The following KHDRBS2 variants were observed in gnomAD, a reference collection of about 807,000 sequenced individuals.
KHDRBS2 encodes the protein KH RNA binding domain containing, signal transduction associated 2.
In KHDRBS2, 26 loss-of-function variants were observed where a neutral mutation model predicts 44.3. That is an observed-to-expected ratio of 0.59 (90% CI 0.43 to 0.81). KHDRBS2 has a LOEUF of 0.81. Ranked by LOEUF, KHDRBS2 falls within the 40% of genes least tolerant of loss-of-function variation. The pLI, the probability that KHDRBS2 is intolerant of heterozygous loss-of-function variation, is 0.00. For missense variants in KHDRBS2, 476 were observed against 433.1 expected, an observed-to-expected ratio of 1.10 and a Z score of -0.88; for synonymous variants, 194 against 151.1, an observed-to-expected ratio of 1.28 and a Z score of -2.08.
chr6:62,006,675 C>A (rs1407484309), intron 3 of KHDRBS2, among the ~76,000 whole-genome samples: 1 of 151,608 alleles, frequency 6.6e-6, no homozygotes, highest in East Asian at 1.9e-4. Context: ...CTATACAAGA[C>A]CATAGTAAAC....
At chr6:62,061,402 G>A (rs558959781) in intron 2 of KHDRBS2, among the ~76,000 whole-genome samples, 1 of 151,630 alleles carries the variant, frequency 6.6e-6, no homozygotes, top group African/African-American at 2.4e-5. Flanking sequence ...TTGCTTGTCT[G>A]TAAAGGATTT....
the KHDRBS2 span, among the ~76,000 whole-genome samples, chr6:61,670,969 TTC>T: frequency 6.6e-6 from 1 of 151,654 alleles, no homozygotes; most frequent in African/African-American, 2.4e-5. Context: ...TCAATTGCCT[TTC>T]TCTTTGTCTT....
intron 3 of KHDRBS2, among the ~76,000 whole-genome samples, chr6:61,990,861 C>A (rs1325132279): frequency 1.3e-5 from 2 of 152,120 alleles, no homozygotes; most frequent in Non-Finnish European, 2.9e-5. Flanking sequence ...AGGCACGCAC[C>A]ACCATGCCCA....
At chr6:62,235,443 A>G (rs1833557092) in intron 1 of KHDRBS2, among the ~76,000 whole-genome samples, 1 of 151,902 alleles carries the variant, frequency 6.6e-6, no homozygotes, top group African/African-American at 2.4e-5. Flanking sequence ...ATCTTCTCAT[A>G]CCTTCCTGAG....
chr6:61,837,928 T>C (rs1792979080), intron 6 of KHDRBS2, among the ~76,000 whole-genome samples: 1 of 152,008 alleles, frequency 6.6e-6, no homozygotes, highest in East Asian at 1.9e-4. Flanking sequence ...AAGAAAAATA[T>C]ATAACTGAGA....
chr6:61,890,555 GT>G (rs1417788008), intron 6 of KHDRBS2, among the ~76,000 whole-genome samples: 1 of 152,074 alleles, frequency 6.6e-6, no homozygotes, highest in Non-Finnish European at 1.5e-5. Flanking sequence ...TACCTGAAAA[GT>G]TTTTCTCTCT....
chr6:62,279,728 G>T (rs141747485), intron 1 of KHDRBS2, among the ~76,000 whole-genome samples: 2 of 152,342 alleles, frequency 1.3e-5, no homozygotes, highest in East Asian at 3.9e-4. Flanking sequence ...TAATCATGGA[G>T]AGAAGCTAGA....
At chr6:61,769,532 A>G (rs1468346650) in intron 6 of KHDRBS2, among the ~76,000 whole-genome samples, 2 of 152,214 alleles carry the variant, frequency 1.3e-5, no homozygotes, top group Non-Finnish European at 2.9e-5. Flanking sequence ...CATGGCTCAG[A>G]GGGTCCTACT....
At chr6:61,813,457 C>A (rs1788434668) in intron 6 of KHDRBS2, among the ~76,000 whole-genome samples, 1 of 152,134 alleles carries the variant, frequency 6.6e-6, no homozygotes, top group African/African-American at 2.4e-5. Context: ...GCAGGATTTG[C>A]AAACCTAGGA....
chr6:62,065,208 T>G (rs987457992), intron 2 of KHDRBS2, among the ~76,000 whole-genome samples: 1 of 152,078 alleles, frequency 6.6e-6, no homozygotes, highest in Non-Finnish European at 1.5e-5. Flanking sequence ...GTTCAACCAT[T>G]GTGGAAGTCA....
chr6:61,985,292 T>C (rs1774838822), intron 3 of KHDRBS2, among the ~76,000 whole-genome samples: 1 of 152,204 alleles, frequency 6.6e-6, no homozygotes, highest in Admixed American at 6.5e-5. Context: ...TTTATTTATT[T>C]ATTTATTTTA....
At chr6:62,281,555 G>C (rs1360981648) in intron 1 of KHDRBS2, among the ~76,000 whole-genome samples, 2 of 152,156 alleles carry the variant, frequency 1.3e-5, no homozygotes, top group Admixed American at 6.5e-5. Context: ...AGGAGGCAGA[G>C]GTTGCAGTGA....
intron 3 of KHDRBS2, among the ~76,000 whole-genome samples, chr6:61,978,418 T>G (rs1217533602): frequency 6.6e-6 from 1 of 152,052 alleles, no homozygotes; most frequent in South Asian, 2.1e-4. Context: ...TTGAATGATT[T>G]TAAAAACCGG....
chr6:62,115,632 A>G (rs2150078330), intron 2 of KHDRBS2, among the ~76,000 whole-genome samples: 1 of 152,320 alleles, frequency 6.6e-6, no homozygotes, highest in East Asian at 1.9e-4. Context: ...TGATTGCTAA[A>G]GGCAGAACAA....
chr6:61,916,035 G>C (rs1806931594), intron 4 of KHDRBS2, among the ~76,000 whole-genome samples: 1 of 151,960 alleles, frequency 6.6e-6, no homozygotes, highest in Non-Finnish European at 1.5e-5. Flanking sequence ...TTCTTATTTT[G>C]TAATGGTCAA....
At chr6:62,280,775 C>T (rs1429137902) in intron 1 of KHDRBS2, among the ~76,000 whole-genome samples, 3 of 151,982 alleles carry the variant, frequency 2.0e-5, no homozygotes, top group Admixed American at 1.3e-4. Context: ...AAGAGTCGAT[C>T]GGGAGAAAGA....
At chr6:61,560,735 C>G in the KHDRBS2 span, among the ~76,000 whole-genome samples, 5 of 152,096 alleles carry the variant, frequency 3.3e-5, no homozygotes, top group Non-Finnish European at 5.9e-5. Context: ...TCTCGAATTT[C>G]ATTAAGTTTT....
At chr6:61,994,108 A>G (rs576636957) in intron 3 of KHDRBS2, among the ~76,000 whole-genome samples, 8 of 152,292 alleles carry the variant, frequency 5.3e-5, no homozygotes, top group African/African-American at 1.9e-4. Flanking sequence ...GGTACACAAG[A>G]AACTCCCCTT....
intron 1 of KHDRBS2, among the ~76,000 whole-genome samples, chr6:62,282,300 C>G (rs1841913409): frequency 6.6e-6 from 1 of 152,086 alleles, no homozygotes; most frequent in Admixed American, 6.6e-5. Flanking sequence ...GCAGGTCAAA[C>G]TTTTTACTAA....
Sources: gnomAD v4.1 joint callset for allele counts (sites outside exome capture counted in the v4.1 genomes callset) on GRCh38, gnomAD v4.1.1 for gene constraint, MANE v1.5 for transcripts, NCBI Gene and HGNC (gene_info 2026-07-23, HGNC 2026-07-21) for gene names.